The following TFPI variants were observed in gnomAD, a reference collection of about 807,000 sequenced individuals.
TFPI encodes anti-convertin.
A neutral mutation model predicts 34.6 loss-of-function variants in TFPI; 15 were observed. The observed-to-expected ratio is 0.43, with a 90% CI of 0.29 to 0.67. TFPI has a LOEUF of 0.67. Among genes scored for constraint, TFPI ranks in the 30% least tolerant of loss-of-function variants. The probability of loss-of-function intolerance (pLI) is 0.15; values close to 1 mark genes in which losing one functional copy is unlikely to be tolerated. For synonymous variants in TFPI, 105 were observed against 120.1 expected (o/e 0.87, Z 0.82); for missense variants, 301 against 364.0 (o/e 0.83, Z 1.41).
chr2:187,489,382 A>AGG (rs1302627271), intron 3 of TFPI, among the ~76,000 whole-genome samples: 5 of 129,090 alleles, frequency 3.9e-5, no homozygotes, highest in Non-Finnish European at 6.7e-5. Context: ...TTAAAAAAAG[A>AGG]GGTGTGTGTG....
intron 3 of TFPI, among the ~76,000 whole-genome samples, chr2:187,493,587 T>G (rs1685264423): frequency 6.6e-6 from 1 of 152,228 alleles, no homozygotes; most frequent in African/African-American, 2.4e-5. Flanking sequence ...CTGCAAATTT[T>G]CCATACTTTT....
intron 1 of TFPI, among the ~76,000 whole-genome samples, chr2:187,535,798 G>GT (rs1335938780): frequency 6.6e-6 from 1 of 152,054 alleles, no homozygotes; most frequent in East Asian, 1.9e-4. Context: ...CCAGGAGCTG[G>GT]TTTTTTAAAA....
At chr2:187,534,906 T>TA (rs1353612804) in intron 1 of TFPI, among the ~76,000 whole-genome samples, 1 of 138,832 alleles carries the variant, frequency 7.2e-6, no homozygotes, top group Admixed American at 7.1e-5. Context: ...AAAAAAAAAA[T>TA]AAAAAAATAA....
chr2:187,520,715 G>A (rs1434241621), intron 1 of TFPI: 1 of 151,932 alleles, frequency 6.6e-6, no homozygotes, highest in East Asian at 1.9e-4. Flanking sequence ...AAATTGTTCG[G>A]AATACTTTTG....
intron 3 of TFPI, among the ~76,000 whole-genome samples, chr2:187,488,768 A>G (rs1693482929): frequency 6.6e-6 from 1 of 151,498 alleles, no homozygotes; most frequent in Non-Finnish European, 1.5e-5. Context: ...AACTGGGAAT[A>G]AAAGTGAAAT....
intron 4 of TFPI, among the ~76,000 whole-genome samples, chr2:187,487,229 T>C (rs1159199113): frequency 6.6e-6 from 1 of 151,490 alleles, no homozygotes; most frequent in East Asian, 1.9e-4. Context: ...TTATTATAAA[T>C]ATGCCATTTT....
chr2:187,497,140 T>C, intron 2 of TFPI, 62 bp from the exon 3 acceptor site: 1 of 1,420,466 alleles, frequency 7.0e-7, no homozygotes, highest in Non-Finnish European at 9.6e-7. Flanking sequence ...TAATGTTCTT[T>C]ATTTCCTTTT....
chr2:187,542,854 G>A (rs994465912), intron 1 of TFPI, among the ~76,000 whole-genome samples: 11 of 123,018 alleles, frequency 8.9e-5, no homozygotes, highest in Non-Finnish European at 1.5e-4. Context: ...GTGACAGGGT[G>A]AGACTTAGTC....
intron 1 of TFPI, among the ~76,000 whole-genome samples, chr2:187,505,842 G>C (rs1465018296): frequency 2.0e-5 from 3 of 152,122 alleles, no homozygotes; most frequent in Non-Finnish European, 2.9e-5. Flanking sequence ...GAACCATATG[G>C]TTTGGGTGGT....
chr2:187,478,189 G>T (rs1692513623), intron 6 of TFPI, among the ~76,000 whole-genome samples: 1 of 152,058 alleles, frequency 6.6e-6, no homozygotes, highest in Admixed American at 6.6e-5. Flanking sequence ...ATGAAACCCT[G>T]TCTCTACTGA....
At position 187,497,024 on chromosome 2, in the gene TFPI, T is replaced by A; in HGVS notation, c.176A>T (p.Asp59Val). The change falls in exon 3 of 8, where the codon GAT (aspartate) becomes GTT (valine). Residue 59 changes from aspartate (D) to valine (V), a missense_variant. Asp to Val is a radical substitution (Grantham distance 152). Transcript: ENST00000233156. Reference sequence around the variant, plus strand: ...CATGATTGCTTTACATGGGCCATCATCCGCCTTGAATGCACAAAATGAATG... The same window carrying A: ...CATGATTGCTTTACATGGGCCATCAACCGCCTTGAATGCACAAAATGAATG... ...LMHSFCAFKA[D>V]DGPCKAIMKR... The A allele has an allele frequency of 6.2e-7, 1 of 1,613,272 alleles. No homozygotes were observed. The highest frequency in any genetic ancestry group is 8.5e-7 in the Non-Finnish European group (1 of 1,179,536).
chr2:187,503,066 A>G (rs1373304048), intron 2 of TFPI, among the ~76,000 whole-genome samples: 1 of 152,064 alleles, frequency 6.6e-6, no homozygotes, highest in Admixed American at 6.6e-5. Context: ...CCATCACCAT[A>G]CAGTCTTCTC....
chr2:187,523,129 A>G lies in TFPI; in HGVS notation c.-2-19359T>C, dbSNP rs184350594. Among the ~76,000 whole-genome samples the G allele has an allele frequency of 2.6e-5, 4 of 152,190 alleles. No homozygotes were observed. The East Asian group carries it at 7.7e-4, about 29-fold the overall frequency. ...TGTCTAAAATTTGATGAGTTTGTGCAGTTTTTAAATAGTGATTATATCTCA... is the reference window on the plus strand; with the variant it reads ...TGTCTAAAATTTGATGAGTTTGTGCGGTTTTTAAATAGTGATTATATCTCA... On this transcript the variant is annotated intron_variant, in intron 1 of 7. Coordinates refer to ENST00000233156, the MANE Select transcript of TFPI (RefSeq NM_006287.6).
rs551457894 is a variant in TFPI, at chr2:187,497,273, C to T, written c.122-195G>A. Among the ~76,000 whole-genome samples the T allele has an allele frequency of 7.1e-4, 108 of 152,118 alleles. No homozygotes were observed. The South Asian group carries it at 0.021, about 30-fold the overall frequency. ...CACCAAATGAAACACAACTTCTAGACTCTTGTTAGGGAGGTATTGCTTAAA... is the reference window on the plus strand; with the variant it reads ...CACCAAATGAAACACAACTTCTAGATTCTTGTTAGGGAGGTATTGCTTAAA... On this transcript the variant is annotated intron_variant, in intron 2 of 7. Coordinates refer to ENST00000233156, the MANE Select transcript of TFPI (RefSeq NM_006287.6).
At chr2:187,511,447 G>A (rs1036984685) in intron 1 of TFPI, among the ~76,000 whole-genome samples, 5 of 152,080 alleles carry the variant, frequency 3.3e-5, no homozygotes, top group African/African-American at 1.2e-4. Flanking sequence ...CTTGTTCTTT[G>A]TTTTGCGGTG....
rs1691674552 is a variant in TFPI at position 187,465,508 on chromosome 2, C to CAAAAAAAAAAAAAAAAAAAAAAAAAAA, written c.*1427_*1428insTTTTTTTTTTTTTTTTTTTTTTTTTTT. 1 of 47,592 alleles carries CAAAAAAAAAAAAAAAAAAAAAAAAAAA rather than the reference C, an allele frequency of 2.1e-5. No homozygotes were observed. The highest frequency in any genetic ancestry group is 8.6e-5 in the African/African-American group (1 of 11,576). The allele number at this position is 47,592 out of a possible 1,614,324, so 2.9% of individuals were successfully genotyped here. ...AAACAAAATGAAAAAAAAAAAAAAA[C>CAAAAAAAAAAAAAAAAAAAAAAAAAAA]AAGAAAAAAGAAAAGAAAAAGAAAA... On this transcript the variant is annotated 3_prime_UTR_variant, in exon 8 of 8. Coordinates refer to ENST00000233156, the MANE Select transcript of TFPI (RefSeq NM_006287.6).
Position 187,464,253 on chromosome 2 carries a change from T to G in TFPI, c.*2683A>C, listed in dbSNP as rs995180971. ...GGTTTCATTATTCAGAATAATATAT[T>G]TTACTTCTTATAATGTAAAAAATAT... is the stretch of plus-strand genomic sequence containing the variant. On this transcript the variant is annotated 3_prime_UTR_variant, in exon 8 of 8. Coordinates refer to ENST00000233156, the MANE Select transcript of TFPI (RefSeq NM_006287.6). The G allele has an allele frequency of 2.6e-5, 4 of 152,104 alleles. No homozygotes were observed. The highest frequency in any genetic ancestry group is 4.4e-5 in the Non-Finnish European group (3 of 67,992). The allele number at this position is 152,104 out of a possible 1,614,324, so 9.4% of individuals were successfully genotyped here.
intron 3 of TFPI, among the ~76,000 whole-genome samples, chr2:187,495,891 T>C (rs1023095328): frequency 1.2e-4 from 19 of 152,132 alleles, no homozygotes; most frequent in Non-Finnish European, 2.1e-4. Flanking sequence ...ACTCAACTTA[T>C]TCTATCCCTT....
chr2:187,497,160 C>A, intron 2 of TFPI, 82 bp from the exon 3 acceptor site: 1 of 1,268,090 alleles, frequency 7.9e-7, no homozygotes. Flanking sequence ...TTAATATGTC[C>A]TGATTTTAAG....
Sources: gnomAD v4.1 joint callset for allele counts (sites outside exome capture counted in the v4.1 genomes callset) on GRCh38, gnomAD v4.1.1 for gene constraint, MANE v1.5 for transcripts, NCBI Gene and HGNC (gene_info 2026-07-23, HGNC 2026-07-21) for gene names.